The following DHTKD1 variants were observed in gnomAD, a reference collection of about 807,000 sequenced individuals.
DHTKD1 encodes the protein dehydrogenase E1 and transketolase domain containing 1.
A neutral mutation model predicts 101.8 loss-of-function variants in DHTKD1; 78 were observed. The ratio of observed to expected loss-of-function variants is 0.77; its 90% CI spans 0.64 to 0.93. The LOEUF (loss-of-function observed/expected upper bound fraction) is 0.93. Among genes scored for constraint, DHTKD1 ranks in the 40% least tolerant of loss-of-function variants. The pLI is 0.00. For missense variants in DHTKD1, 1,223 were observed against 1,161.7 expected, an observed-to-expected ratio of 1.05 and a Z score of -0.77; for synonymous variants, 462 against 450.3, an observed-to-expected ratio of 1.03 and a Z score of -0.33.
chr10:12,094,120 G>C lies in DHTKD1; in HGVS notation c.1207G>C (p.Glu403Gln). Residue 403 changes from glutamate (E) to glutamine (Q), a missense_variant, in exon 7 of 17, where the codon GAG becomes CAG. Glu to Gln is a conservative substitution (Grantham distance 29, BLOSUM62 2). Coordinates refer to ENST00000263035, the MANE Select transcript of DHTKD1 (RefSeq NM_018706.7). ...AIIHVNGDSP[E>Q]EVVRATRLAF... ...CATCCATGTCAATGGAGACAGCCCA[G>C]AGGAAGTGGTCCGTGCCACACGACT... 1.2e-6 allele frequency: 2 copies of C among 1,614,122 alleles called. No individual in the cohort carries two copies. Among genetic ancestry groups the C allele is most frequent in the Non-Finnish European group, 1.7e-6 (2 of 1,180,026 alleles).
chr10:12,089,149 A>AC lies in DHTKD1; in HGVS notation c.885dup (p.Val296ArgfsTer38). On this transcript the variant is annotated frameshift_variant, in exon 5 of 17. Coordinates refer to ENST00000263035, the MANE Select transcript of DHTKD1 (RefSeq NM_018706.7). LOFTEE classifies it high-confidence loss of function. ...AATCCCTCGCACCTGGAGGCCGTCA[A>AC]CCCCGTGGCCGTGGGCAAAACTCGC... The AC allele has an allele frequency of 6.2e-7, 1 of 1,613,894 alleles. No individual in the cohort carries two copies. Among genetic ancestry groups the AC allele is most frequent in the Non-Finnish European group, 8.5e-7 (1 of 1,179,976 alleles).
intron 1 of DHTKD1, among the ~76,000 whole-genome samples, chr10:12,079,330 G>C (rs1197195595): frequency 6.6e-6 from 1 of 152,140 alleles, no homozygotes; most frequent in Non-Finnish European, 1.5e-5. Context: ...AAGAAAACCG[G>C]GTTCCTGCAA....
At chr10:12,078,445 A>G (rs1832766451) in intron 1 of DHTKD1, among the ~76,000 whole-genome samples, 4 of 150,992 alleles carry the variant, frequency 2.6e-5, no homozygotes, top group Admixed American at 2.6e-4. Flanking sequence ...AACAAAACCA[A>G]CAAAAACCCC....
intron 1 of DHTKD1, among the ~76,000 whole-genome samples, chr10:12,072,365 G>A (rs994403164): frequency 5.9e-5 from 9 of 152,130 alleles, no homozygotes; most frequent in African/African-American, 2.2e-4. Flanking sequence ...GGGAGGCTGA[G>A]TCAGGAGAAT....
rs1832605172 is a variant in DHTKD1, at chr10:12,068,974, G to C, written c.-60G>C. On this transcript the variant is annotated 5_prime_UTR_variant, in exon 1 of 17. Coordinates refer to ENST00000263035, the MANE Select transcript of DHTKD1 (RefSeq NM_018706.7). ...CCTCTGACGAGTCCCGGATTTACCAGGGCCGGTGGGATCCCCTCGGGCTCC... is the reference window on the plus strand; with the variant it reads ...CCTCTGACGAGTCCCGGATTTACCACGGCCGGTGGGATCCCCTCGGGCTCC... The C allele has an allele frequency of 1.3e-6, 2 of 1,599,282 alleles. No homozygotes were observed. The highest frequency in any genetic ancestry group is 1.3e-5 in the African/African-American group (1 of 74,320).
intron 13 of DHTKD1, 48 bp from the exon 14 acceptor site, chr10:12,117,625 C>T: frequency 9.0e-7 from 1 of 1,110,176 alleles, no homozygotes; most frequent in Non-Finnish European, 1.4e-6. Flanking sequence ...GTGACAGCAT[C>T]ACCTCTTTCT....
chr10:12,077,732 G>A (rs192077651), intron 1 of DHTKD1, among the ~76,000 whole-genome samples: 1 of 152,208 alleles, frequency 6.6e-6, no homozygotes, highest in African/African-American at 2.4e-5. Context: ...TGGAGGGTGC[G>A]GGTGAGGGCC....
intron 3 of DHTKD1, among the ~76,000 whole-genome samples, chr10:12,085,325 A>G (rs935286758): frequency 1.3e-5 from 2 of 152,122 alleles, no homozygotes; most frequent in African/African-American, 2.4e-5. Flanking sequence ...AAAAAGATAT[A>G]TAACTACTGA....
chr10:12,094,885 C>A (rs1481920954), intron 7 of DHTKD1, among the ~76,000 whole-genome samples: 1 of 152,126 alleles, frequency 6.6e-6, no homozygotes, highest in East Asian at 1.9e-4. Context: ...AAGTGATCCA[C>A]CTGCCTTAGC....
chr10:12,076,868 A>G (rs913333152), intron 1 of DHTKD1, among the ~76,000 whole-genome samples: 3 of 150,876 alleles, frequency 2.0e-5, no homozygotes, highest in Non-Finnish European at 2.9e-5. Context: ...GTGTTAGCCA[A>G]GATAGTCTCG....
At chr10:12,117,647 G>A in intron 13 of DHTKD1, 26 bp from the exon 14 acceptor site, 6 of 1,399,604 alleles carry the variant, frequency 4.3e-6, no homozygotes, top group Non-Finnish European at 6.1e-6. Context: ...TTGCTTGCTG[G>A]ATGTGTGGCC....
intron 1 of DHTKD1, 104 bp downstream of exon 1, chr10:12,069,291 TGAACGCGCGGCC>T: frequency 1.3e-6 from 1 of 799,810 alleles, no homozygotes. Context: ...GCTGCCGGCC[TGAACGCGCGGCC>T]GGTGGGGAGG....
Position 12,084,752 on chromosome 10 carries a change from G to GT in DHTKD1, c.522+2dup. 6.2e-7 allele frequency: 1 copy of GT among 1,613,672 alleles called. No homozygotes were observed. Among genetic ancestry groups the GT allele is most frequent in the Non-Finnish European group, 8.5e-7 (1 of 1,179,780 alleles). The stretch of plus-strand genomic sequence containing the variant: ...GTCGAAACTAATGCTGGAATCTCAG[G>GT]TAAAAAGGAGCATCTAGGCCGGGCA... On this transcript the variant is annotated splice_donor_variant, in intron 3 of 16. Coordinates refer to ENST00000263035, the MANE Select transcript of DHTKD1 (RefSeq NM_018706.7). LOFTEE classifies it high-confidence loss of function.
chr10:12,092,437 C>T (rs574895849), intron 6 of DHTKD1, among the ~76,000 whole-genome samples: 3 of 152,268 alleles, frequency 2.0e-5, no homozygotes, highest in South Asian at 4.1e-4. Flanking sequence ...GATATTCAAA[C>T]TTGGAGTGCC....
In DHTKD1 at chr10:12,087,424, TG is replaced by T; in HGVS notation, c.523-109del. 1 of 836,068 alleles carries T rather than the reference TG, an allele frequency of 1.2e-6. No homozygotes were observed. Among genetic ancestry groups the T allele is most frequent in the Non-Finnish European group, 1.9e-6 (1 of 533,250 alleles). 51.8% of individuals were successfully genotyped at this position (836,068 alleles called of 1,614,324 possible). A position where few individuals can be genotyped will look rare whatever the true frequency, so the allele number is the denominator to read the frequency against. ...GATATGTAGTAAAGTGGCATTGCTG[TG>T]GCCACTTGGGGAGTGTGGGGCCATC... is the stretch of plus-strand genomic sequence containing the variant. On this transcript the variant is annotated intron_variant, in intron 3 of 16. Coordinates refer to ENST00000263035, the MANE Select transcript of DHTKD1 (RefSeq NM_018706.7). The surrounding 1 kb of genome is among the most constrained non-coding windows in gnomAD (Gnocchi z 5.2).
At position 12,118,649 on chromosome 10, in the gene DHTKD1, T is replaced by C. The variant is rs529325997; in HGVS notation, c.2403-100T>C. The C allele has an allele frequency of 7.3e-6, 7 of 952,852 alleles. No individual in the cohort carries two copies. In the East Asian group the frequency reaches 1.5e-4, roughly 20 times the overall value. 59.0% of individuals were successfully genotyped at this position (952,852 alleles called of 1,614,324 possible). A position where few individuals can be genotyped will look rare whatever the true frequency, so the allele number is the denominator to read the frequency against. On this transcript the variant is annotated intron_variant, in intron 14 of 16. Transcript: ENST00000263035. The stretch of plus-strand genomic sequence containing the variant: ...CGCCCGCCTTGGCCTCCCAAAGTGC[T>C]GAGATTACAGGCGTGAGCTACTGCA...
intron 7 of DHTKD1, among the ~76,000 whole-genome samples, chr10:12,094,929 C>T (rs1833046254): frequency 6.6e-6 from 1 of 152,216 alleles, no homozygotes. Flanking sequence ...GCATGAGCCA[C>T]CGTGCCTGGC....
At chr10:12,098,620 A>G (rs1833110084) in intron 8 of DHTKD1, among the ~76,000 whole-genome samples, 2 of 152,216 alleles carry the variant, frequency 1.3e-5, no homozygotes, top group South Asian at 4.1e-4. Flanking sequence ...GCTGGTGTGC[A>G]GTGGCGTGAT....
At chr10:12,099,998 G>A (rs1044433218) in intron 8 of DHTKD1, among the ~76,000 whole-genome samples, 180 bp from the exon 9 acceptor site, 8 of 151,860 alleles carry the variant, frequency 5.3e-5, no homozygotes, top group African/African-American at 1.9e-4. Flanking sequence ...GTTTCACCAT[G>A]TTGTCCAGGC....
Sources: gnomAD v4.1 joint callset for allele counts (sites outside exome capture counted in the v4.1 genomes callset) on GRCh38, gnomAD v4.1.1 for gene constraint, Gnocchi (gnomAD v3.1) non-coding constraint, MANE v1.5 for transcripts, NCBI Gene and HGNC (gene_info 2026-07-23, HGNC 2026-07-21) for gene names.